FMN2: variants seen among roughly 807,000 people sequenced by gnomAD.
FMN2 encodes formin 2.
A neutral mutation model predicts 142.3 loss-of-function variants in FMN2; 51 were observed. The observed-to-expected ratio is 0.36, with a 90% CI of 0.29 to 0.45. The LOEUF (loss-of-function observed/expected upper bound fraction) is 0.45. Ranked by LOEUF, FMN2 falls within the 20% of genes least tolerant of loss-of-function variation. The probability of loss-of-function intolerance (pLI) is 1.00; values close to 1 mark genes in which losing one functional copy is unlikely to be tolerated. For missense variants in FMN2, 1,936 were observed against 2,122.8 expected (o/e 0.91, Z 1.73); for synonymous variants, 882 against 869.8 (o/e 1.01, Z -0.25).
At chr1:240,149,882 A>AT (rs1175274364) in intron 2 of FMN2, among the ~76,000 whole-genome samples, 1 of 152,166 alleles carries the variant, frequency 6.6e-6, no homozygotes, top group Non-Finnish European at 1.5e-5. Flanking sequence ...AGCTTTATAG[A>AT]TTTTTCAAGA....
intron 11 of FMN2, among the ~76,000 whole-genome samples, chr1:240,332,475 A>G (rs193177159): frequency 3.5e-4 from 54 of 152,272 alleles, no homozygotes; most frequent in African/African-American, 1.2e-3. Context: ...ATTGAAATCT[A>G]TAGCATCAAT....
At chr1:240,268,981 A>G (rs540081832) in intron 7 of FMN2, among the ~76,000 whole-genome samples, 2 of 152,120 alleles carry the variant, frequency 1.3e-5, no homozygotes, top group Admixed American at 6.6e-5. Flanking sequence ...ATGATTTGCA[A>G]ATATTTTCTC....
At chr1:240,245,798 C>T (rs754058913) in intron 6 of FMN2, among the ~76,000 whole-genome samples, 10 of 152,178 alleles carry the variant, frequency 6.6e-5, no homozygotes, top group Non-Finnish European at 1.5e-4. Flanking sequence ...TTCCCCAGGC[C>T]TTCTGTTGCT....
intron 1 of FMN2, among the ~76,000 whole-genome samples, chr1:240,103,886 A>T (rs1049603872): frequency 1.9e-4 from 29 of 150,684 alleles, no homozygotes; most frequent in South Asian, 4.2e-4. Flanking sequence ...CATTATTATT[A>T]TTTTTTTTTG....
intron 6 of FMN2, among the ~76,000 whole-genome samples, chr1:240,223,087 C>A (rs959845574): frequency 5.9e-5 from 9 of 152,162 alleles, no homozygotes; most frequent in Non-Finnish European, 1.3e-4. Flanking sequence ...ATGCTTCCAT[C>A]TTCTGCCCAT....
chr1:240,092,424 C>T lies in FMN2; in HGVS notation c.315C>T (p.Thr105=). 1.2e-6 allele frequency: 2 copies of T among 1,611,956 alleles called. No individual in the cohort carries two copies. Among genetic ancestry groups the T allele is most frequent in the South Asian group, 1.1e-5 (1 of 90,742 alleles). The change falls in exon 1 of 18, where the codon ACC becomes ACT. Residue 105 remains threonine, a synonymous_variant. Coordinates refer to ENST00000319653, the MANE Select transcript of FMN2 (RefSeq NM_020066.5). ...EDVLDSQALQ[T]GELDSAHSLL... is the part of the protein sequence containing the mutation. Reference sequence around the variant, plus strand: ...TACTGGATTCCCAGGCCCTGCAGACCGGGGAGCTGGACAGCGCTCACTCCC... The same window carrying T: ...TACTGGATTCCCAGGCCCTGCAGACTGGGGAGCTGGACAGCGCTCACTCCC...
At chr1:240,193,054 T>C (rs1665771685) in intron 4 of FMN2, among the ~76,000 whole-genome samples, 1 of 152,186 alleles carries the variant, frequency 6.6e-6, no homozygotes, top group Non-Finnish European at 1.5e-5. Flanking sequence ...TTGTTTTTCC[T>C]TGGGGTGGTC....
At chr1:240,200,545 C>T (rs142351594) in intron 4 of FMN2, among the ~76,000 whole-genome samples, 79 of 152,288 alleles carry the variant, frequency 5.2e-4, no homozygotes, top group African/African-American at 1.8e-3. Flanking sequence ...ATCCTACATA[C>T]ATTTGGCTAC....
chr1:240,472,859 C>T lies in FMN2; in HGVS notation c.5142+406C>T, dbSNP rs192296238. 4.0e-5 allele frequency among the ~76,000 whole-genome samples: 6 copies of T among 150,850 alleles called. No homozygotes were observed. In the East Asian group the frequency reaches 1.2e-3, roughly 30 times the overall value. ...ACTTGGGAAGCTGAGGCAGAGGAAT[C>T]GCTTGAACCTGGGAGGTGGAGATTG... On this transcript the variant is annotated intron_variant, in intron 17 of 17. Coordinates refer to ENST00000319653, the MANE Select transcript of FMN2 (RefSeq NM_020066.5).
At chr1:240,212,340 G>T (rs1019370409) in intron 6 of FMN2, among the ~76,000 whole-genome samples, 1 of 152,208 alleles carries the variant, frequency 6.6e-6, no homozygotes, top group Non-Finnish European at 1.5e-5. Context: ...GGCTGGGTGA[G>T]CAGGCTCACC....
intron 7 of FMN2, among the ~76,000 whole-genome samples, chr1:240,272,756 A>G (rs942120800): frequency 1.1e-4 from 17 of 152,176 alleles, no homozygotes; most frequent in African/African-American, 4.1e-4. Context: ...ATGTGATGAC[A>G]TGTTATCTTT....
intron 16 of FMN2, chr1:240,458,515 C>A (rs1676328562): frequency 6.6e-6 from 1 of 152,178 alleles, no homozygotes; most frequent in African/African-American, 2.4e-5. Flanking sequence ...TACACATCAT[C>A]CTGGCTAGAG....
At chr1:240,167,956 C>T (rs887779215) in intron 2 of FMN2, among the ~76,000 whole-genome samples, 4 of 152,110 alleles carry the variant, frequency 2.6e-5, no homozygotes, top group Non-Finnish European at 5.9e-5. Flanking sequence ...CCTGTAATCC[C>T]AGCTCCTGAG....
At chr1:240,436,237 G>A (rs1254280144) in intron 15 of FMN2, among the ~76,000 whole-genome samples, 1 of 152,080 alleles carries the variant, frequency 6.6e-6, no homozygotes, top group Non-Finnish European at 1.5e-5. Flanking sequence ...TTAATTGACT[G>A]TACTCTGTCA....
At chr1:240,197,847 T>C (rs538514188) in intron 4 of FMN2, among the ~76,000 whole-genome samples, 1 of 147,296 alleles carries the variant, frequency 6.8e-6, no homozygotes, top group East Asian at 1.9e-4. Context: ...TTTTGTATTA[T>C]TAGTAGAGAC....
At chr1:240,252,965 T>TG (rs1297242522) in intron 6 of FMN2, among the ~76,000 whole-genome samples, 4 of 128,022 alleles carry the variant, frequency 3.1e-5, no homozygotes, top group African/African-American at 1.2e-4. Context: ...TTTTTTTTTT[T>TG]TTTTTGGAGA....
At chr1:240,465,272 T>C (rs975500371) in intron 16 of FMN2, among the ~76,000 whole-genome samples, 2 of 143,370 alleles carry the variant, frequency 1.4e-5, no homozygotes, top group Non-Finnish European at 1.5e-5. Flanking sequence ...AACCAGCCTT[T>C]GTCTAGAATC....
chr1:240,294,708 A>C (rs754922616), intron 7 of FMN2, 114 bp from the exon 8 acceptor site: 6 of 868,072 alleles, frequency 6.9e-6, no homozygotes, highest in Non-Finnish European at 1.1e-5. Context: ...GAAACATTGA[A>C]GTTAAAGCCC....
intron 4 of FMN2, among the ~76,000 whole-genome samples, chr1:240,189,823 A>G (rs1665633126): frequency 6.6e-6 from 1 of 152,196 alleles, no homozygotes; most frequent in South Asian, 2.1e-4. Context: ...AGAAATAGTA[A>G]AGTCAGCAGT....
Sources: gnomAD v4.1 joint callset for allele counts (sites outside exome capture counted in the v4.1 genomes callset) on GRCh38, gnomAD v4.1.1 for gene constraint, MANE v1.5 for transcripts, NCBI Gene and HGNC (gene_info 2026-07-23, HGNC 2026-07-21) for gene names.